Variants in ATXN8OS observed in about 807,000 individuals in gnomAD.
ATXN8OS encodes ATXN8 opposite strand (non-protein coding).
At chr13:70,133,165 T>C (rs960793630) in intron 3 of ATXN8OS, among the ~76,000 whole-genome samples, 1 of 152,172 alleles carries the variant, frequency 6.6e-6, no homozygotes, top group Non-Finnish European at 1.5e-5. Flanking sequence ...TAGCACTTTG[T>C]GGGGCTGAGG....
At chr13:70,134,758 C>A (rs1169762204) in intron 3 of ATXN8OS, among the ~76,000 whole-genome samples, 1 of 152,174 alleles carries the variant, frequency 6.6e-6, no homozygotes, top group African/African-American at 2.4e-5. Flanking sequence ...TGGAAATCAA[C>A]ACAGGGCAAC....
intron 4 of ATXN8OS, among the ~76,000 whole-genome samples, chr13:70,155,847 A>G (rs2137501735): frequency 6.6e-6 from 1 of 151,032 alleles, no homozygotes; most frequent in Admixed American, 6.6e-5. Context: ...TTTCTGTCAT[A>G]TATTGTACCA....
intron 4 of ATXN8OS, among the ~76,000 whole-genome samples, chr13:70,147,555 A>T (rs1013677111): frequency 1.3e-5 from 2 of 152,174 alleles, no homozygotes; most frequent in Non-Finnish European, 2.9e-5. Context: ...AAGAGAAAAG[A>T]AGTATATATG....
At chr13:70,149,801 TAAA>T (rs1888839563) in intron 4 of ATXN8OS, among the ~76,000 whole-genome samples, 1 of 152,058 alleles carries the variant, frequency 6.6e-6, no homozygotes. Flanking sequence ...CCATTCCAAT[TAAA>T]ACAACCACTG....
At chr13:70,131,680 C>T in intron 3 of ATXN8OS, 1 of 394,998 alleles carries the variant, frequency 2.5e-6, no homozygotes. Context: ...CCAACCCAGA[C>T]TAGATCATTT....
intron 3 of ATXN8OS, among the ~76,000 whole-genome samples, chr13:70,146,956 G>T (rs1222648440): frequency 6.6e-6 from 1 of 152,130 alleles, no homozygotes; most frequent in Non-Finnish European, 1.5e-5. Flanking sequence ...ATATCTTGAT[G>T]TTAGTAAGAC....
chr13:70,150,770 A>C (rs575025764), intron 4 of ATXN8OS, among the ~76,000 whole-genome samples: 1 of 152,276 alleles, frequency 6.6e-6, no homozygotes, highest in African/African-American at 2.4e-5. Context: ...AGGAGTTATC[A>C]AATTATAACA....
intron 4 of ATXN8OS, among the ~76,000 whole-genome samples, chr13:70,149,877 G>A (rs1832208448): frequency 6.6e-6 from 1 of 151,894 alleles, no homozygotes. Context: ...TTTTCCTTGT[G>A]GAGACTATTG....
intron 3 of ATXN8OS, among the ~76,000 whole-genome samples, chr13:70,131,876 A>C (rs928021): frequency 0.31 from 46,576 of 152,030 alleles, 7,680 homozygotes; most frequent in South Asian, 0.52. Context: ...GTATTAAACA[A>C]AATAGGTGCC....
chr13:70,141,733 T>C (rs1415735459), intron 3 of ATXN8OS, among the ~76,000 whole-genome samples: 1 of 151,984 alleles, frequency 6.6e-6, no homozygotes, highest in East Asian at 1.9e-4. Flanking sequence ...TATTCATTCA[T>C]CAAAATGGCA....
chr13:70,133,911 G>C (rs1369350246), intron 3 of ATXN8OS, among the ~76,000 whole-genome samples: 5 of 152,152 alleles, frequency 3.3e-5, no homozygotes, highest in African/African-American at 4.8e-5. Flanking sequence ...TCTAAGATGA[G>C]AACAATATAG....
upstream of ATXN8OS, chr13:70,107,529 G>A (rs773746540): frequency 1.2e-6 from 2 of 1,611,480 alleles, no homozygotes; most frequent in Admixed American, 1.7e-5. Flanking sequence ...CTTGGCTTTT[G>A]AGCAGGCGAC....
chr13:70,127,467 A>G (rs939367591), intron 2 of ATXN8OS, among the ~76,000 whole-genome samples: 3 of 152,078 alleles, frequency 2.0e-5, no homozygotes, highest in African/African-American at 7.2e-5. Flanking sequence ...TCTAAAAATA[A>G]ACTAACATAG....
intron 2 of ATXN8OS, among the ~76,000 whole-genome samples, chr13:70,120,277 A>G (rs1402731949): frequency 1.3e-5 from 2 of 152,182 alleles, no homozygotes; most frequent in Admixed American, 6.5e-5. Flanking sequence ...AATGGTTTCA[A>G]TGATGTCAAA....
chr13:70,115,059 T>C lies in ATXN8OS; in HGVS notation n.241-82T>C, dbSNP rs1888254545. The C allele has an allele frequency of 7.6e-6, 3 of 395,296 alleles. No individual in the cohort carries two copies. The South Asian group carries it at 4.2e-4, about 55-fold the overall frequency. The allele number at this position is 395,296 out of a possible 1,614,324, so 24.5% of individuals were successfully genotyped here. The stretch of plus-strand genomic sequence containing the variant: ...GTGTGTGTGTGTGTGCATGTGTGGG[T>C]GTGTTAGTCCCTTTTGTGCTGCTAT... On this transcript the variant is annotated intron_variant and non_coding_transcript_variant, in intron 1 of 4. Coordinates refer to ENST00000678624, the Ensembl canonical transcript of ATXN8OS.
chr13:70,153,553 C>T (rs1203054263), intron 4 of ATXN8OS, among the ~76,000 whole-genome samples: 1 of 151,970 alleles, frequency 6.6e-6, no homozygotes, highest in Non-Finnish European at 1.5e-5. Flanking sequence ...CCAGCCCGGG[C>T]AACAGTGAGA....
chr13:70,153,332 T>TG (rs894547748), intron 4 of ATXN8OS, among the ~76,000 whole-genome samples: 13 of 152,134 alleles, frequency 8.5e-5, no homozygotes, highest in African/African-American at 3.1e-4. Flanking sequence ...CCTAGCACTT[T>TG]GGGAGGCTGA....
At chr13:70,153,431 C>T (rs1030113751) in intron 4 of ATXN8OS, among the ~76,000 whole-genome samples, 8 of 151,846 alleles carry the variant, frequency 5.3e-5, no homozygotes, top group Non-Finnish European at 7.4e-5. Flanking sequence ...AAAACTTAGC[C>T]GGGCATGGCA....
chr13:70,107,826 A>T, exon 1 of ATXN8OS: 1 of 700,108 alleles, frequency 1.4e-6, no homozygotes. Flanking sequence ...CCCTAGAGCC[A>T]GAAGACGCTA....
Sources: gnomAD v4.1 joint callset for allele counts (sites outside exome capture counted in the v4.1 genomes callset) on GRCh38, gnomAD v4.1.1 for gene constraint, MANE v1.5 for transcripts, NCBI Gene and HGNC (gene_info 2026-07-23, HGNC 2026-07-21) for gene names.